Variants in UNC93B1 observed in about 807,000 individuals in gnomAD.
UNC93B1 encodes protein unc-93 homolog B1.
Under a neutral mutation model 56.8 loss-of-function variants are expected in UNC93B1, and 33 were observed. The ratio of observed to expected loss-of-function variants is 0.58; its 90% confidence interval spans 0.44 to 0.78. The LOEUF is 0.78. Among genes scored for constraint, UNC93B1 ranks in the 30% least tolerant of loss-of-function variants. The probability of loss-of-function intolerance (pLI) is 0.00; values close to 1 mark genes in which losing one functional copy is unlikely to be tolerated. For missense variants in UNC93B1, 673 were observed against 819.5 expected (o/e 0.82, Z 2.18); for synonymous variants, 334 against 358.6 (o/e 0.93, Z 0.77).
In UNC93B1 at chr11:68,004,070, G is replaced by C; in HGVS notation, c.-27C>G. 7.6e-7 allele frequency: 1 copy of C among 1,318,932 alleles called. No homozygotes were observed. Among genetic ancestry groups the C allele is most frequent in the South Asian group, 2.0e-5 (1 of 50,394 alleles). The allele number at this position is 1,318,932 out of a possible 1,614,324, so 81.7% of individuals were successfully genotyped here. A position where few individuals can be genotyped will look rare whatever the true frequency, so the allele number is the denominator to read the frequency against. ...GCCCGAACTACTGCGGACTCGCGGC[G>C]GTCGCCCCGGAGTCCCTGCGACCGC... On this transcript the variant is annotated 5_prime_UTR_variant, in exon 1 of 11. Transcript: ENST00000227471.
intron 6 of UNC93B1, 111 bp from the exon 7 acceptor site, chr11:67,997,910 G>A (rs1856977998): frequency 6.8e-7 from 1 of 1,470,374 alleles, no homozygotes; most frequent in Non-Finnish European, 9.2e-7. Flanking sequence ...GGGCGGGAGA[G>A]TGAGAGCAAG....
Position 67,996,715 on chromosome 11 carries a change from T to C in UNC93B1, c.976A>G (p.Asn326Asp). Residue 326 changes from asparagine (N) to aspartate (D), a missense_variant, in exon 8 of 11, where the codon AAC becomes GAC. Asn to Asp is a conservative substitution (Grantham distance 23, BLOSUM62 1). This residue lies in a region of UNC93B1 where 438 missense variants were observed against 465.9 expected (regional missense o/e 0.94). Coordinates refer to ENST00000227471, the MANE Select transcript of UNC93B1 (RefSeq NM_030930.4). ...TGCTTGAAGGGCAGCTGGAAGATGT[T>C]GCCCCAGCCCACGCTGCGCAGATCG... is the stretch of plus-strand genomic sequence containing the variant. ...EIDLRSVGWG[N>D]IFQLPFKHVR... is the part of the protein sequence containing the mutation. 2.6e-6 allele frequency: 4 copies of C among 1,553,418 alleles called. No individual in the cohort carries two copies. The highest frequency in any genetic ancestry group is 2.6e-6 in the Non-Finnish European group (3 of 1,148,062).
chr11:67,992,437 C>T (rs1396835493), intron 10 of UNC93B1, among the ~76,000 whole-genome samples: 1 of 151,854 alleles, frequency 6.6e-6, no homozygotes, highest in Non-Finnish European at 1.5e-5. Context: ...CTTCCAGGCT[C>T]AAGCCATCCT....
intron 3 of UNC93B1, among the ~76,000 whole-genome samples, chr11:67,999,934 G>A (rs531954085): frequency 6.6e-6 from 1 of 152,258 alleles, no homozygotes; most frequent in Non-Finnish European, 1.5e-5. Context: ...TGTGAGGATG[G>A]AGAGTGACCC....
At position 67,991,634 on chromosome 11, in the gene UNC93B1, G is replaced by C. The variant is rs1466075318; in HGVS notation, c.1706C>G (p.Pro569Arg). 1.3e-6 allele frequency: 2 copies of C among 1,521,478 alleles called. No homozygotes were observed. The highest frequency in any genetic ancestry group is 2.8e-5 in the African/African-American group (2 of 71,276). 94.2% of individuals were successfully genotyped at this position (1,521,478 alleles called of 1,614,324 possible). Residue 569 changes from proline (P) to arginine (R), a missense_variant, in exon 11 of 11, where the codon CCC becomes CGC. This residue lies in a region of UNC93B1 where 80 missense variants were observed against 85.3 expected (regional missense o/e 0.94). Transcript: ENST00000227471. Reference sequence around the variant, plus strand: ...TCCAGCGGGCTCGGGGCCAGGCCTGGGCCCTGCGGGCGGCGCCTCCTCCTC... The same window carrying C: ...TCCAGCGGGCTCGGGGCCAGGCCTGCGCCCTGCGGGCGGCGCCTCCTCCTC... ...GAEEEAPPAG[P>R]RPGPEPAGLG... is the part of the protein sequence containing the mutation.
At chr11:67,996,423 T>C (rs1032856817) in intron 8 of UNC93B1, among the ~76,000 whole-genome samples, 179 bp downstream of exon 8, 1 of 151,896 alleles carries the variant, frequency 6.6e-6, no homozygotes, top group African/African-American at 2.4e-5. Context: ...TTAAAATAAC[T>C]TGCCCAAGGT....
Position 67,995,894 on chromosome 11 carries a change from G to T in UNC93B1, c.1090-10C>A, listed in dbSNP as rs779644147. On this transcript the variant is annotated splice_polypyrimidine_tract_variant and intron_variant, in intron 8 of 10. Transcript: ENST00000227471. ...AGCACACGCCATAGCCCTGCGGGGG[G>T]ACAAGGGGTGAGTGTTGAAGTCTGG... 6.7e-7 allele frequency: 1 copy of T among 1,486,374 alleles called. No individual in the cohort carries two copies. Among genetic ancestry groups the T allele is most frequent in the South Asian group, 1.3e-5 (1 of 76,352 alleles). 92.1% of individuals were successfully genotyped at this position (1,486,374 alleles called of 1,614,324 possible). A position where few individuals can be genotyped will look rare whatever the true frequency, so the allele number is the denominator to read the frequency against.
chr11:68,003,518 C>A lies in UNC93B1; in HGVS notation c.238+139G>T. On this transcript the variant is annotated intron_variant, in intron 2 of 10. Coordinates refer to ENST00000227471, the MANE Select transcript of UNC93B1 (RefSeq NM_030930.4). The surrounding 1 kb of genome is among the most constrained non-coding windows in gnomAD (Gnocchi z 4.4). ...ACTTGACCCCCCAACCCCACCCCCG[C>A]CGCGGGGGGCCGTGGCTGCAGCTGC... The A allele has an allele frequency of 1.5e-6, 2 of 1,293,744 alleles. No homozygotes were observed. Among genetic ancestry groups the A allele is most frequent in the Non-Finnish European group, 2.0e-6 (2 of 994,898 alleles). The allele number at this position is 1,293,744 out of a possible 1,614,324, so 80.1% of individuals were successfully genotyped here. A position where few individuals can be genotyped will look rare whatever the true frequency, so the allele number is the denominator to read the frequency against.
At position 67,999,551 on chromosome 11, in the gene UNC93B1, AGGCACGAT is replaced by A. The variant is rs1259972776; in HGVS notation, c.514_521del (p.Ile172SerfsTer18). On this transcript the variant is annotated frameshift_variant, in exon 4 of 11. Transcript: ENST00000227471. LOFTEE classifies it high-confidence loss of function. ...TGTAGTTGCCCATGGAAGCCCAAAG[AGGCACGAT>A]GGCCATGCCCAGGGCCACAGCCGAG... The A allele has an allele frequency of 3.2e-6, 5 of 1,566,890 alleles. No individual in the cohort carries two copies. The highest frequency in any genetic ancestry group is 4.3e-6 in the Non-Finnish European group (5 of 1,156,786).
chr11:67,999,780 T>C, intron 3 of UNC93B1, 100 bp from the exon 4 acceptor site: 1 of 1,460,128 alleles, frequency 6.8e-7, no homozygotes, highest in Non-Finnish European at 9.2e-7. Flanking sequence ...TCACAGGGCT[T>C]TGTGAGGTAG....
intron 3 of UNC93B1, among the ~76,000 whole-genome samples, chr11:68,002,776 G>A (rs1281270219): frequency 6.6e-6 from 1 of 152,152 alleles, no homozygotes; most frequent in Non-Finnish European, 1.5e-5. Context: ...AGGCAAGCTG[G>A]GAGGGAGCTC....
intron 9 of UNC93B1, among the ~76,000 whole-genome samples, chr11:67,995,387 T>C (rs1202450828): frequency 6.6e-6 from 1 of 151,938 alleles, no homozygotes; most frequent in African/African-American, 2.4e-5. Flanking sequence ...CTCCAGGGTG[T>C]CCACACCCTA....
chr11:67,991,651 C>T lies in UNC93B1; in HGVS notation c.1689G>A (p.Glu563=). ...EGEHGDGAEE[E]APPAGPRPGP... ...CAGGCCTGGGCCCTGCGGGCGGCGCCTCCTCCTCCGCGCCGTCCCCATGCT... is the reference window on the plus strand; with the variant it reads ...CAGGCCTGGGCCCTGCGGGCGGCGCTTCCTCCTCCGCGCCGTCCCCATGCT... Residue 563 remains glutamate (E), a synonymous_variant, in exon 11 of 11, where the codon GAG becomes GAA. Coordinates refer to ENST00000227471, the MANE Select transcript of UNC93B1 (RefSeq NM_030930.4). 1.3e-6 allele frequency: 2 copies of T among 1,525,138 alleles called. No homozygotes were observed. Among genetic ancestry groups the T allele is most frequent in the Non-Finnish European group, 1.7e-6 (2 of 1,143,018 alleles). The allele number at this position is 1,525,138 out of a possible 1,614,324, so 94.5% of individuals were successfully genotyped here. A position where few individuals can be genotyped will look rare whatever the true frequency, so the allele number is the denominator to read the frequency against.
At position 67,993,048 on chromosome 11, in the gene UNC93B1, C is replaced by G. The variant is rs184556024; in HGVS notation, c.1482+628G>C. 3.0e-3 allele frequency among the ~76,000 whole-genome samples: 452 copies of G among 152,066 alleles called. 7 individuals are homozygous for G. Among genetic ancestry groups the G allele is most frequent in the Admixed American group, 0.026 (400 of 15,278 alleles). ...TTGCTTAGGCTGGATGGAGTGCCAA[C>G]GCCCCGTCTCGGCTAACTGCAACCT... On this transcript the variant is annotated intron_variant, in intron 10 of 10. Coordinates refer to ENST00000227471, the MANE Select transcript of UNC93B1 (RefSeq NM_030930.4).
Position 68,003,714 on chromosome 11 carries a change from G to T in UNC93B1, c.181C>A (p.Leu61Ile). The change falls in exon 2 of 11, where the codon CTC becomes ATC. Residue 61 changes from leucine to isoleucine, a missense_variant. By Grantham distance (5) the Leu-to-Ile change is conservative. Transcript: ENST00000227471. The surrounding 1 kb of genome is among the most constrained non-coding windows in gnomAD (Gnocchi z 4.4). ...GCGCTGGCAGCCAGCACGTTCTTGA[G>T]CACGCCCAGGCGCTTGCGGCGGTAG... is the stretch of plus-strand genomic sequence containing the variant. ...RYYRRKRLGV[L>I]KNVLAASAGG... The T allele has an allele frequency of 6.5e-7, 1 of 1,529,294 alleles. No individual in the cohort carries two copies. 94.7% of individuals were successfully genotyped at this position (1,529,294 alleles called of 1,614,324 possible).
In UNC93B1 at chr11:67,991,596, G is replaced by A; in HGVS notation, c.1744C>T (p.Pro582Ser). 6.7e-7 allele frequency: 1 copy of A among 1,497,058 alleles called. No individual in the cohort carries two copies. Among genetic ancestry groups the A allele is most frequent in the Non-Finnish European group, 8.8e-7 (1 of 1,131,214 alleles). 92.7% of individuals were successfully genotyped at this position (1,497,058 alleles called of 1,614,324 possible). A position where few individuals can be genotyped will look rare whatever the true frequency, so the allele number is the denominator to read the frequency against. The change falls in exon 11 of 11, where the codon CCC (proline) becomes TCC (serine). Residue 582 changes from proline to serine, a missense_variant. Pro to Ser is a moderately conservative substitution (Grantham distance 74). This residue lies in a region of UNC93B1 where 80 missense variants were observed against 85.3 expected (regional missense o/e 0.94). Transcript: ENST00000227471. ...CCCTGCGCCTGTTCGTACGGGCAGGGCCGGCGGCCGAGTCCAGCGGGCTCG... is the reference window on the plus strand; with the variant it reads ...CCCTGCGCCTGTTCGTACGGGCAGGACCGGCGGCCGAGTCCAGCGGGCTCG... The part of the protein sequence containing the change: ...GPEPAGLGRR[P>S]CPYEQAQGGD...
chr11:68,003,053 C>G lies in UNC93B1; in HGVS notation c.361G>C (p.Ala121Pro). Residue 121 changes from alanine (A) to proline (P), a missense_variant, in exon 3 of 11, where the codon GCC becomes CCC. Transcript: ENST00000227471. This position sits in a 1 kb window ranked among gnomAD's most constrained non-coding sequence, Gnocchi z 4.4. ...AGCACAGGTGTGTAGAGCAGGGCGG[C>G]GATGGGAGTCACGTTGATGCCCATC... ...MLMGINVTPI[A>P]ALLYTPVLIR... is the part of the protein sequence containing the mutation. 1 of 1,612,446 alleles carries G rather than the reference C, an allele frequency of 6.2e-7. No individual in the cohort carries two copies. Among genetic ancestry groups the G allele is most frequent in the Non-Finnish European group, 8.5e-7 (1 of 1,179,406 alleles).
chr11:67,993,010 A>C (rs777025839), intron 10 of UNC93B1, among the ~76,000 whole-genome samples: 1 of 150,938 alleles, frequency 6.6e-6, no homozygotes, highest in Non-Finnish European at 1.5e-5. Context: ...TTTGAGACGG[A>C]GTTTCGCTCT....
At position 68,003,047 on chromosome 11, in the gene UNC93B1, G is replaced by A; in HGVS notation, c.367C>T (p.Leu123=). 6.2e-7 allele frequency: 1 copy of A among 1,612,154 alleles called. No individual in the cohort carries two copies. The part of the protein sequence containing the change: ...MGINVTPIAA[L]LYTPVLIRFF... Reference sequence around the variant, plus strand: ...CTGATGAGCACAGGTGTGTAGAGCAGGGCGGCGATGGGAGTCACGTTGATG... The same window carrying A: ...CTGATGAGCACAGGTGTGTAGAGCAAGGCGGCGATGGGAGTCACGTTGATG... Residue 123 remains leucine (L), a synonymous_variant, in exon 3 of 11, where the codon CTG becomes TTG. Transcript: ENST00000227471. The surrounding 1 kb of genome is among the most constrained non-coding windows in gnomAD (Gnocchi z 4.4).
Sources: gnomAD v4.1 joint callset for allele counts (sites outside exome capture counted in the v4.1 genomes callset) on GRCh38, gnomAD v4.1.1 for gene constraint, gnomAD v4.1.1 regional missense constraint, Gnocchi (gnomAD v3.1) non-coding constraint, MANE v1.5 for transcripts, NCBI Gene and HGNC (gene_info 2026-07-23, HGNC 2026-07-21) for gene names.